The following RAP1GDS1 variants were observed in gnomAD, a reference collection of about 807,000 sequenced individuals.
The protein encoded by RAP1GDS1 is RAP1, GTP-GDP dissociation stimulator 1.
In RAP1GDS1, 35 loss-of-function variants were observed where a neutral mutation model predicts 71.1. The ratio of observed to expected loss-of-function variants is 0.49; its 90% CI spans 0.38 to 0.65. The LOEUF (loss-of-function observed/expected upper bound fraction) is 0.65, where lower values mean the gene tolerates loss of function less well. RAP1GDS1 is among the 30% of genes least tolerant of loss of function. The probability of loss-of-function intolerance (pLI) is 0.00; values close to 1 mark genes in which losing one functional copy is unlikely to be tolerated. For missense variants in RAP1GDS1, 663 were observed against 706.1 expected (o/e 0.94, Z 0.69); for synonymous variants, 229 against 243.1 (o/e 0.94, Z 0.54).
chr4:98,282,458 C>T (rs538218008), intron 1 of RAP1GDS1, among the ~76,000 whole-genome samples: 1 of 152,078 alleles, frequency 6.6e-6, no homozygotes, highest in Non-Finnish European at 1.5e-5. Context: ...TGGTGATATC[C>T]TCTTTATCAT....
At chr4:98,325,201 G>A (rs1413734410) in intron 2 of RAP1GDS1, among the ~76,000 whole-genome samples, 3 of 151,752 alleles carry the variant, frequency 2.0e-5, no homozygotes, top group East Asian at 1.9e-4. Flanking sequence ...TCAGAGAAAT[G>A]CAAATCAAAA....
chr4:98,363,395 G>A (rs1032898596), intron 4 of RAP1GDS1, among the ~76,000 whole-genome samples: 1 of 144,332 alleles, frequency 6.9e-6, no homozygotes, highest in Non-Finnish European at 1.5e-5. Flanking sequence ...GAGGTGGGAG[G>A]ATCACTTGAG....
At chr4:98,378,402 C>G (rs1295547477) in intron 4 of RAP1GDS1, among the ~76,000 whole-genome samples, 3 of 151,586 alleles carry the variant, frequency 2.0e-5, no homozygotes, top group East Asian at 1.9e-4. Context: ...AAAAAAGAAA[C>G]AAATCAAGAA....
intron 6 of RAP1GDS1, among the ~76,000 whole-genome samples, chr4:98,392,689 A>G (rs1275558042): frequency 6.6e-6 from 1 of 152,224 alleles, no homozygotes; most frequent in Non-Finnish European, 1.5e-5. Flanking sequence ...TGGCAGAGCC[A>G]GACCCTGTCT....
At chr4:98,424,417 CAAAA>C in intron 12 of RAP1GDS1, among the ~76,000 whole-genome samples, 1 of 151,822 alleles carries the variant, frequency 6.6e-6, no homozygotes. Context: ...ACAAAAATCA[CAAAA>C]AAAACTCAAA....
intron 6 of RAP1GDS1, chr4:98,396,892 A>C (rs1744626814): frequency 6.6e-6 from 1 of 152,166 alleles, no homozygotes; most frequent in Non-Finnish European, 1.5e-5. Context: ...GTTTTTAATA[A>C]AAGTGTTAAA....
chr4:98,397,368 A>G (rs1281645027), intron 6 of RAP1GDS1, among the ~76,000 whole-genome samples: 2 of 152,140 alleles, frequency 1.3e-5, no homozygotes, highest in Non-Finnish European at 2.9e-5. Context: ...ATTTCTTCTT[A>G]AAGGCTTAAG....
chr4:98,295,491 A>G (rs1052776892), intron 2 of RAP1GDS1, among the ~76,000 whole-genome samples: 22 of 152,102 alleles, frequency 1.4e-4, no homozygotes, highest in African/African-American at 4.8e-4. Flanking sequence ...CTGTATGTTT[A>G]GCACTGGGCT....
intron 5 of RAP1GDS1, among the ~76,000 whole-genome samples, chr4:98,390,516 G>A (rs1174798280): frequency 6.6e-6 from 1 of 151,594 alleles, no homozygotes; most frequent in East Asian, 1.9e-4. Flanking sequence ...TTATAGATGG[G>A]CTCCCACAAC....
intron 5 of RAP1GDS1, among the ~76,000 whole-genome samples, chr4:98,390,251 A>T (rs1320637823): frequency 3.3e-5 from 5 of 152,162 alleles, no homozygotes; most frequent in Non-Finnish European, 5.9e-5. Flanking sequence ...TATAGATATA[A>T]CACTATTGTG....
intron 1 of RAP1GDS1, among the ~76,000 whole-genome samples, chr4:98,267,747 T>C (rs918942536): frequency 6.6e-6 from 1 of 152,174 alleles, no homozygotes; most frequent in African/African-American, 2.4e-5. Context: ...CAATCCACTA[T>C]TGATAGGCAC....
intron 7 of RAP1GDS1, among the ~76,000 whole-genome samples, chr4:98,413,245 G>C (rs192577910): frequency 2.1e-3 from 313 of 151,186 alleles, no homozygotes; most frequent in African/African-American, 7.5e-3. Flanking sequence ...TATACTTTAA[G>C]TTTTAGGGTA....
At chr4:98,352,673 G>C in intron 4 of RAP1GDS1, 72 bp downstream of exon 4, 1 of 1,535,084 alleles carries the variant, frequency 6.5e-7, no homozygotes, top group East Asian at 2.3e-5. Flanking sequence ...CTGCTTTTGT[G>C]TTAGCAGTGA....
At chr4:98,311,066 G>A (rs10023500) in intron 2 of RAP1GDS1, among the ~76,000 whole-genome samples, 21,639 of 152,078 alleles carry the variant, frequency 0.14, 2,252 homozygotes, top group African/African-American at 0.29. Context: ...TGGGGCTCAG[G>A]AATTTGCATT....
chr4:98,362,886 C>G (rs1178726729), intron 4 of RAP1GDS1, among the ~76,000 whole-genome samples: 2 of 152,176 alleles, frequency 1.3e-5, no homozygotes, highest in Non-Finnish European at 2.9e-5. Context: ...TAAATCCACA[C>G]ATATTGATTG....
intron 2 of RAP1GDS1, among the ~76,000 whole-genome samples, chr4:98,330,215 ACTT>A (rs1303876268): frequency 6.6e-6 from 1 of 152,228 alleles, no homozygotes; most frequent in African/African-American, 2.4e-5. Context: ...TCCTATGTCT[ACTT>A]CTTTCTACAC....
chr4:98,367,027 C>T (rs531120012), intron 4 of RAP1GDS1, among the ~76,000 whole-genome samples: 4 of 152,280 alleles, frequency 2.6e-5, no homozygotes, highest in Non-Finnish European at 4.4e-5. Context: ...GTGGGGAAAA[C>T]GTCTCCAGAG....
intron 4 of RAP1GDS1, among the ~76,000 whole-genome samples, chr4:98,361,576 A>G (rs1738757150): frequency 6.6e-6 from 1 of 152,184 alleles, no homozygotes; most frequent in Admixed American, 6.6e-5. Context: ...AAGTAGAATT[A>G]TTGAACAATT....
intron 5 of RAP1GDS1, 50 bp from the exon 6 acceptor site, chr4:98,391,902 G>T: frequency 6.7e-7 from 1 of 1,494,122 alleles, no homozygotes. Context: ...ATGTTCATTT[G>T]ACATGTCAAC....
Sources: gnomAD v4.1 joint callset for allele counts (sites outside exome capture counted in the v4.1 genomes callset) on GRCh38, gnomAD v4.1.1 for gene constraint, MANE v1.5 for transcripts, NCBI Gene and HGNC (gene_info 2026-07-23, HGNC 2026-07-21) for gene names.